Variants in PGM5 observed in about 807,000 individuals in gnomAD.
PGM5 encodes the protein phosphoglucomutase-like protein 5.
Under a neutral mutation model 59.2 loss-of-function variants are expected in PGM5, and 23 were observed. That is an observed-to-expected ratio of 0.39 (90% CI 0.28 to 0.55). The LOEUF (loss-of-function observed/expected upper bound fraction) is 0.55, where lower values mean the gene tolerates loss of function less well. PGM5 is among the 20% of genes least tolerant of loss of function. The pLI is 0.66. For synonymous variants in PGM5, 214 were observed against 286.0 expected, an observed-to-expected ratio of 0.75 and a Z score of 2.54; for missense variants, 574 against 748.3, an observed-to-expected ratio of 0.77 and a Z score of 2.72.
intron 3 of PGM5, among the ~76,000 whole-genome samples, chr9:68,387,101 G>C (rs1326774739): frequency 6.6e-6 from 1 of 151,928 alleles, no homozygotes; most frequent in South Asian, 2.1e-4. Context: ...ATGCCAAAAT[G>C]CCTCTAAACA....
At chr9:68,377,159 T>G (rs1204850189) in intron 1 of PGM5, among the ~76,000 whole-genome samples, 1 of 152,114 alleles carries the variant, frequency 6.6e-6, no homozygotes, top group Non-Finnish European at 1.5e-5. Context: ...ACTCTGGACC[T>G]CAAGTGATCT....
chr9:68,506,254 T>C (rs922088063), intron 10 of PGM5, among the ~76,000 whole-genome samples: 5 of 152,348 alleles, frequency 3.3e-5, no homozygotes, highest in African/African-American at 1.2e-4. Flanking sequence ...TTTCAGCCAA[T>C]TACAGGCAGC....
intron 2 of PGM5, among the ~76,000 whole-genome samples, chr9:68,380,851 C>A (rs1233481625): frequency 1.3e-5 from 2 of 151,798 alleles, no homozygotes; most frequent in Non-Finnish European, 2.9e-5. Context: ...GGATAAATTT[C>A]TAGAAAAACT....
At chr9:68,463,115 A>G (rs2132077873) in intron 6 of PGM5, among the ~76,000 whole-genome samples, 1 of 152,180 alleles carries the variant, frequency 6.6e-6, no homozygotes, top group African/African-American at 2.4e-5. Flanking sequence ...AGTCCTGAGC[A>G]CATTCATTGT....
chr9:68,380,463 G>T (rs1406814045), intron 2 of PGM5, among the ~76,000 whole-genome samples: 3 of 151,806 alleles, frequency 2.0e-5, no homozygotes, highest in Non-Finnish European at 4.4e-5. Flanking sequence ...TAAGAGAGAA[G>T]TTTATAGCAA....
chr9:68,473,885 C>T (rs895142022), intron 7 of PGM5, among the ~76,000 whole-genome samples: 42 of 151,930 alleles, frequency 2.8e-4, no homozygotes, highest in Non-Finnish European at 1.5e-4. Context: ...CCAGTGAGAA[C>T]CCCCCCATGT....
intron 6 of PGM5, among the ~76,000 whole-genome samples, chr9:68,440,325 T>G (rs1340575343): frequency 3.0e-4 from 46 of 152,158 alleles, no homozygotes; most frequent in Non-Finnish European, 1.5e-5. Flanking sequence ...GACCACATCC[T>G]GGGTCATTAA....
chr9:68,484,176 G>C (rs1554687380), intron 9 of PGM5, 128 bp downstream of exon 9: 4 of 752,706 alleles, frequency 5.3e-6, no homozygotes, highest in South Asian at 3.5e-5. Flanking sequence ...TGTGCAGCCA[G>C]GAAAGAGGAA....
chr9:68,517,135 C>T (rs1320990046), intron 10 of PGM5, among the ~76,000 whole-genome samples: 5 of 151,742 alleles, frequency 3.3e-5, no homozygotes, highest in Non-Finnish European at 5.9e-5. Context: ...CTGCCCGCCT[C>T]GGCCTACCAA....
chr9:68,428,388 T>C (rs1587806458), intron 6 of PGM5, among the ~76,000 whole-genome samples: 2 of 152,094 alleles, frequency 1.3e-5, no homozygotes, highest in Admixed American at 1.3e-4. Context: ...GTTTGCGAGG[T>C]GTTTATTTTT....
At chr9:68,359,422 A>T (rs1165661906) in intron 1 of PGM5, among the ~76,000 whole-genome samples, 1 of 152,162 alleles carries the variant, frequency 6.6e-6, no homozygotes, top group Non-Finnish European at 1.5e-5. Context: ...AATGGTGGAC[A>T]TGTTTCAGAA....
intron 9 of PGM5, among the ~76,000 whole-genome samples, chr9:68,485,272 A>G (rs1824276467): frequency 1.3e-5 from 2 of 152,006 alleles, no homozygotes; most frequent in African/African-American, 4.8e-5. Context: ...CTCCCCCTCC[A>G]TAACTCTGAC....
intron 10 of PGM5, among the ~76,000 whole-genome samples, chr9:68,517,704 G>A (rs1824843221): frequency 6.6e-6 from 1 of 152,160 alleles, no homozygotes; most frequent in Non-Finnish European, 1.5e-5. Context: ...TTTAAATATT[G>A]GCAGGAAAAT....
chr9:68,360,328 A>C (rs1169662448), intron 1 of PGM5, among the ~76,000 whole-genome samples: 16 of 151,094 alleles, frequency 1.1e-4, no homozygotes, highest in Admixed American at 1.3e-4. Flanking sequence ...AAAAACATAA[A>C]ATTATTTTAT....
At chr9:68,421,600 C>T (rs1449644931) in intron 6 of PGM5, among the ~76,000 whole-genome samples, 4 of 151,798 alleles carry the variant, frequency 2.6e-5, no homozygotes, top group African/African-American at 4.8e-5. Context: ...GCCTGTAATC[C>T]CAGCTATTCG....
chr9:68,398,380 C>G (rs1822569365), intron 6 of PGM5: 1 of 151,982 alleles, frequency 6.6e-6, no homozygotes, highest in African/African-American at 2.4e-5. Context: ...AACTTAATAA[C>G]CTGGTCTAAG....
chr9:68,356,921 C>G lies in PGM5; in HGVS notation c.-207C>G. On this transcript the variant is annotated 5_prime_UTR_variant, in exon 1 of 11. Coordinates refer to ENST00000396396, the MANE Select transcript of PGM5 (RefSeq NM_021965.4). Reference sequence around the variant, plus strand: ...ACAGGAAGGCAGAAGCAATCTCTGCCGAGAGAGTCAGCCGAGCGGCCGCGC... The same window carrying G: ...ACAGGAAGGCAGAAGCAATCTCTGCGGAGAGAGTCAGCCGAGCGGCCGCGC... 2 of 456,156 alleles carry G rather than the reference C, an allele frequency of 4.4e-6. No homozygotes were observed. Among genetic ancestry groups the G allele is most frequent in the Admixed American group, 4.5e-5 (1 of 22,308 alleles). The allele number at this position is 456,156 out of a possible 1,614,324, so 28.3% of individuals were successfully genotyped here. A position where few individuals can be genotyped will look rare whatever the true frequency, so the allele number is the denominator to read the frequency against.
chr9:68,499,109 G>A, intron 9 of PGM5, 118 bp from the exon 10 acceptor site: 1 of 1,074,442 alleles, frequency 9.3e-7, no homozygotes, highest in Non-Finnish European at 1.4e-6. Flanking sequence ...AATATAAATG[G>A]TCTTGATTCT....
intron 1 of PGM5, among the ~76,000 whole-genome samples, chr9:68,358,072 T>C (rs1411869918): frequency 6.6e-6 from 1 of 151,960 alleles, no homozygotes; most frequent in African/African-American, 2.4e-5. Context: ...AGGGATGGAG[T>C]GGATCCATTT....
Sources: allele counts gnomAD v4.1 joint callset (sites outside exome capture counted in the v4.1 genomes callset), GRCh38; gene constraint gnomAD v4.1.1; transcripts MANE v1.5; gene names NCBI Gene and HGNC (gene_info 2026-07-23, HGNC 2026-07-21).